SGCD: variants seen among roughly 807,000 people sequenced by gnomAD.
SGCD encodes delta-sarcoglycan.
A neutral mutation model predicts 36.6 loss-of-function variants in SGCD; 18 were observed. That is an observed-to-expected ratio of 0.49 (90% CI 0.34 to 0.73). The LOEUF is 0.73. SGCD is among the 30% of genes least tolerant of loss of function. The pLI is 0.01. For synonymous variants in SGCD, 133 were observed against 130.6 expected (o/e 1.02, Z -0.12); for missense variants, 387 against 346.7 (o/e 1.12, Z -0.92).
intron 4 of SGCD, among the ~76,000 whole-genome samples, chr5:156,532,002 C>A (rs555035145): frequency 1.3e-5 from 2 of 151,642 alleles, no homozygotes; most frequent in African/African-American, 2.4e-5. Context: ...CCCAGCTACT[C>A]GGGAGGCTGA....
rs367642246 is a variant in SGCD, at chr5:155,887,860, G to A, written c.-282+17436G>A. Among the ~76,000 whole-genome samples the A allele has an allele frequency of 3.5e-4, 54 of 152,254 alleles. 1 individual carries two copies. The highest frequency in any genetic ancestry group is 1.1e-3 in the African/African-American group (46 of 41,546). ...AAAAATACTAGCTAACATTTGTTGA[G>A]CATTCACTTTATGTTGATCCTTAAT... On this transcript the variant is annotated intron_variant, in intron 1 of 9. Transcript: ENST00000517913.
the SGCD span, among the ~76,000 whole-genome samples, chr5:155,810,845 T>TCTTG: frequency 8.3e-6 from 1 of 120,260 alleles, no homozygotes; most frequent in Admixed American, 8.9e-5. Context: ...TGAGACGGAG[T>TCTTG]CTTGCTCTGT....
chr5:156,379,014 C>A (rs1227957938), intron 3 of SGCD, among the ~76,000 whole-genome samples: 2 of 152,142 alleles, frequency 1.3e-5, no homozygotes, highest in Non-Finnish European at 2.9e-5. Context: ...ACTTCCATTT[C>A]ATCTACTTAT....
At chr5:156,648,112 G>T (rs1204455157) in intron 7 of SGCD, among the ~76,000 whole-genome samples, 2 of 152,072 alleles carry the variant, frequency 1.3e-5, no homozygotes, top group African/African-American at 4.8e-5. Flanking sequence ...TAAACAGACA[G>T]AGAGCCTGAA....
the SGCD span, among the ~76,000 whole-genome samples, chr5:155,826,354 T>A: frequency 6.6e-6 from 1 of 152,226 alleles, no homozygotes; most frequent in African/African-American, 2.4e-5. Flanking sequence ...TTCCCTGCTT[T>A]TGAATCTTCC....
chr5:156,069,666 C>A (rs1760473183), intron 1 of SGCD, among the ~76,000 whole-genome samples: 1 of 151,614 alleles, frequency 6.6e-6, no homozygotes, highest in South Asian at 2.1e-4. Flanking sequence ...TGAAGAAAGT[C>A]ATTGGTAGCT....
intron 3 of SGCD, among the ~76,000 whole-genome samples, chr5:156,485,807 C>T (rs1388715779): frequency 6.6e-6 from 1 of 152,068 alleles, no homozygotes; most frequent in Non-Finnish European, 1.5e-5. Context: ...TATTGGAGCT[C>T]TGAGGCAGGG....
intron 4 of SGCD, among the ~76,000 whole-genome samples, chr5:156,584,244 G>A (rs1008514781): frequency 6.6e-6 from 1 of 152,124 alleles, no homozygotes; most frequent in African/African-American, 2.4e-5. Context: ...TTGCTAAAAT[G>A]TCTCTCCCCT....
chr5:156,508,814 G>C (rs1400125958), intron 4 of SGCD, 112 bp downstream of exon 4: 2 of 576,370 alleles, frequency 3.5e-6, no homozygotes. Flanking sequence ...AGTAATACTG[G>C]TATTAAGATG....
intron 3 of SGCD, among the ~76,000 whole-genome samples, chr5:156,451,396 A>G (rs145634175): frequency 5.5e-4 from 83 of 152,282 alleles, no homozygotes; most frequent in African/African-American, 2.0e-3. Context: ...AATAGATATT[A>G]TGTTCAGACA....
chr5:155,819,476 A>G, the SGCD span, among the ~76,000 whole-genome samples: 1 of 152,218 alleles, frequency 6.6e-6, no homozygotes, highest in Non-Finnish European at 1.5e-5. Flanking sequence ...TAATGGTAAT[A>G]ATAACAAAAA....
At chr5:156,043,575 G>A (rs908944631) in intron 1 of SGCD, among the ~76,000 whole-genome samples, 17 of 152,096 alleles carry the variant, frequency 1.1e-4, no homozygotes, top group Admixed American at 5.2e-4. Context: ...AGCAGAGAAA[G>A]AACAGTTTTA....
Position 156,286,127 on chromosome 5 carries a change from C to A in SGCD, c.-43-43407C>A, listed in dbSNP as rs370721041. Among the ~76,000 whole-genome samples, 7 of 152,258 alleles carry A rather than the reference C, an allele frequency of 4.6e-5. No homozygotes were observed. In the East Asian group the frequency reaches 1.4e-3, roughly 29 times the overall value. On this transcript the variant is annotated intron_variant, in intron 3 of 9. Coordinates refer to the SGCD transcript ENST00000517913. ...TGCAAATCAAAACCACAATGAGATA[C>A]CATCTCACACCAGTTAGAATGGTGA... is the stretch of plus-strand genomic sequence containing the variant.
intron 7 of SGCD, among the ~76,000 whole-genome samples, chr5:156,744,638 G>C (rs1355388364): frequency 1.3e-5 from 2 of 152,122 alleles, no homozygotes; most frequent in African/African-American, 4.8e-5. Flanking sequence ...AAATGTGTAA[G>C]GACAAATTCC....
At chr5:156,440,447 GTA>G (rs1190837368) in intron 3 of SGCD, among the ~76,000 whole-genome samples, 1 of 152,094 alleles carries the variant, frequency 6.6e-6, no homozygotes, top group African/African-American at 2.4e-5. Flanking sequence ...ACACATTTCT[GTA>G]TGGCATATGT....
chr5:155,986,634 T>C (rs542535238), intron 1 of SGCD, among the ~76,000 whole-genome samples: 75 of 152,242 alleles, frequency 4.9e-4, no homozygotes, highest in African/African-American at 1.8e-3. Context: ...TGATCATGTG[T>C]AGAGACACTG....
chr5:155,739,292 A>T, the SGCD span, among the ~76,000 whole-genome samples: 1 of 152,196 alleles, frequency 6.6e-6, no homozygotes, highest in Non-Finnish European at 1.5e-5. Flanking sequence ...CTGCTAAAAG[A>T]TCTTTCCATG....
chr5:155,916,824 T>A (rs1483612910), intron 1 of SGCD, among the ~76,000 whole-genome samples: 1 of 152,234 alleles, frequency 6.6e-6, no homozygotes, highest in Non-Finnish European at 1.5e-5. Context: ...CTTCCTGTGC[T>A]TCTCACAAAT....
At chr5:156,591,355 CT>C (rs1358211123) in intron 5 of SGCD, among the ~76,000 whole-genome samples, 4 of 152,204 alleles carry the variant, frequency 2.6e-5, no homozygotes, top group African/African-American at 9.6e-5. Flanking sequence ...GGAAACAATA[CT>C]TCACATGATA....
Sources: allele counts gnomAD v4.1 joint callset (sites outside exome capture counted in the v4.1 genomes callset), GRCh38; gene constraint gnomAD v4.1.1; transcripts MANE v1.5; gene names NCBI Gene and HGNC (gene_info 2026-07-23, HGNC 2026-07-21).